Variants in ZCCHC14 observed in about 807,000 individuals in gnomAD.
ZCCHC14 encodes the protein zinc finger CCHC-type containing 14, also known as zinc finger CCHC domain-containing protein 14.
In ZCCHC14, 16 loss-of-function variants were observed where a neutral mutation model predicts 85.0. The observed-to-expected ratio is 0.19, with a 90% confidence interval of 0.13 to 0.29. The LOEUF (loss-of-function observed/expected upper bound fraction) is 0.29, where lower values mean the gene tolerates loss of function less well. ZCCHC14 is among the 10% of genes least tolerant of loss of function. The pLI is 1.00. For synonymous variants in ZCCHC14, 775 were observed against 630.7 expected (o/e 1.23, Z -3.43); for missense variants, 1,303 against 1,443.5 (o/e 0.90, Z 1.58).
chr16:87,450,075 G>A (rs1487687657), intron 2 of ZCCHC14, among the ~76,000 whole-genome samples: 3 of 152,098 alleles, frequency 2.0e-5, no homozygotes, highest in Non-Finnish European at 4.4e-5. Flanking sequence ...GAACAGCATT[G>A]TTTTCCAGCA....
chr16:87,487,640 C>G (rs973575359), intron 1 of ZCCHC14, among the ~76,000 whole-genome samples: 1 of 152,244 alleles, frequency 6.6e-6, no homozygotes, highest in East Asian at 1.9e-4. Flanking sequence ...ACAGAGGATG[C>G]GCTAAGTGTT....
chr16:87,416,484 G>A (rs60003450), intron 8 of ZCCHC14, among the ~76,000 whole-genome samples: 13,867 of 152,078 alleles, frequency 0.091, 2,074 homozygotes, highest in African/African-American at 0.31. Context: ...TTGGCCAGGC[G>A]CGGTGGCTCA....
chr16:87,417,570 A>G lies in ZCCHC14; in HGVS notation c.1273T>C (p.Ser425Pro). The G allele has an allele frequency of 6.2e-7, 1 of 1,614,236 alleles. No individual in the cohort carries two copies. The highest frequency in any genetic ancestry group is 8.5e-7 in the Non-Finnish European group (1 of 1,180,034). The change falls in exon 8 of 13, where the codon TCC becomes CCC. Residue 425 changes from serine to proline, a missense_variant. Physicochemically the swap from Ser to Pro is moderately conservative, Grantham distance 74. Transcript: ENST00000671377. Reference protein sequence around the residue: ...MDTSPAILMPSSLQTPQTQEQ... With the variant: ...MDTSPAILMPPSLQTPQTQEQ... The stretch of plus-strand genomic sequence containing the variant: ...TGGGTCTGAGGGGTCTGCAGACTGG[A>G]AGGCATGAGGATGGCAGGTGATGTG...
intron 1 of ZCCHC14, among the ~76,000 whole-genome samples, chr16:87,475,398 A>C (rs117663605): frequency 0.017 from 2,516 of 152,086 alleles, 26 homozygotes; most frequent in Middle Eastern, 0.048. Flanking sequence ...CAAAAAAATA[A>C]AAAAATTACC....
chr16:87,415,167 A>G, intron 9 of ZCCHC14, 109 bp downstream of exon 9: 1 of 833,320 alleles, frequency 1.2e-6, no homozygotes, highest in Non-Finnish European at 2.0e-6. Context: ...CTGGATAAGC[A>G]ACAGGAACTA....
chr16:87,456,011 G>GT (rs1910939934), intron 2 of ZCCHC14, among the ~76,000 whole-genome samples: 1 of 152,218 alleles, frequency 6.6e-6, no homozygotes, highest in South Asian at 2.1e-4. Context: ...AGCCCCCACT[G>GT]TAAGTTGAAA....
intron 2 of ZCCHC14, among the ~76,000 whole-genome samples, chr16:87,447,030 A>G (rs1460911722): frequency 6.6e-6 from 1 of 152,190 alleles, no homozygotes; most frequent in Non-Finnish European, 1.5e-5. Flanking sequence ...AGTAACACAA[A>G]TACCACATGA....
In ZCCHC14 at chr16:87,451,220, G is replaced by A. The variant is rs921528037; in HGVS notation, c.694+8788C>T. 3.1e-5 allele frequency among the ~76,000 whole-genome samples: 4 copies of A among 129,372 alleles called. No individual in the cohort carries two copies. In the Admixed American group the frequency reaches 3.4e-4, roughly 11 times the overall value. 84.9% of individuals were successfully genotyped at this position (129,372 alleles called of 152,430 possible). A position where few individuals can be genotyped will look rare whatever the true frequency, so the allele number is the denominator to read the frequency against. ...CAGCCTTTTTTTTTTTTTTGAGATA[G>A]AGTTTTTCTCTTGTTGCCCAGGCTG... On this transcript the variant is annotated intron_variant, in intron 2 of 12. Transcript: ENST00000671377.
chr16:87,411,871 C>G lies in ZCCHC14; in HGVS notation c.2850G>C (p.Pro950=). Residue 950 remains proline, a synonymous_variant, in exon 12 of 13, where the codon CCG becomes CCC. Coordinates refer to ENST00000671377, the MANE Select transcript of ZCCHC14 (RefSeq NM_015144.3). ...AGGTGAACACGGACGGACCGGAGAACGGGTGCTGGAAGTAGTTGGCGTAGC... is the reference window on the plus strand; with the variant it reads ...AGGTGAACACGGACGGACCGGAGAAGGGGTGCTGGAAGTAGTTGGCGTAGC... ...TVSYANYFQH[P]FSGPSVFTFP... is the part of the protein sequence containing the mutation. 6.2e-7 allele frequency: 1 copy of G among 1,604,038 alleles called. No homozygotes were observed. The highest frequency in any genetic ancestry group is 1.1e-5 in the South Asian group (1 of 90,008).
intron 1 of ZCCHC14, among the ~76,000 whole-genome samples, chr16:87,480,656 C>T (rs184044148): frequency 6.6e-6 from 1 of 152,276 alleles, no homozygotes; most frequent in Admixed American, 6.5e-5. Context: ...CTGGGTTTAA[C>T]GGATGCTCCG....
intron 1 of ZCCHC14, among the ~76,000 whole-genome samples, chr16:87,482,328 G>T (rs1317986766): frequency 6.6e-6 from 1 of 152,186 alleles, no homozygotes; most frequent in East Asian, 1.9e-4. Context: ...GAAGAAAAAG[G>T]AGAGAAGTCT....
chr16:87,439,095 T>G (rs1305371817), intron 2 of ZCCHC14, among the ~76,000 whole-genome samples: 2 of 151,982 alleles, frequency 1.3e-5, no homozygotes, highest in Non-Finnish European at 2.9e-5. Context: ...ATCTTCTTTA[T>G]AGGATTCCAA....
intron 2 of ZCCHC14, among the ~76,000 whole-genome samples, chr16:87,458,082 C>T (rs8043841): frequency 0.069 from 9,720 of 141,814 alleles, 1,038 homozygotes; most frequent in African/African-American, 0.24. Flanking sequence ...CAGATACTCG[C>T]TACTTTGAAA....
intron 10 of ZCCHC14, 81 bp from the exon 11 acceptor site, chr16:87,413,276 T>TC: frequency 7.0e-7 from 1 of 1,437,558 alleles, no homozygotes; most frequent in Non-Finnish European, 9.1e-7. Flanking sequence ...CATCGCACTG[T>TC]CGGCAGGTGC....
At chr16:87,411,365 G>A (rs750006916) in intron 12 of ZCCHC14, 151 bp downstream of exon 12, 349 of 1,506,502 alleles carry the variant, frequency 2.3e-4, no homozygotes, top group Non-Finnish European at 2.8e-4. Context: ...GGGACCTCAC[G>A]GCCTATCATG....
At chr16:87,456,816 T>TA (rs1010798159) in intron 2 of ZCCHC14, among the ~76,000 whole-genome samples, 3 of 152,212 alleles carry the variant, frequency 2.0e-5, no homozygotes, top group African/African-American at 7.2e-5. Context: ...CTCTAATTTT[T>TA]AAGAGTGCAA....
At chr16:87,427,283 G>C (rs1421461894) in intron 3 of ZCCHC14, among the ~76,000 whole-genome samples, 2 of 152,228 alleles carry the variant, frequency 1.3e-5, no homozygotes, top group Non-Finnish European at 2.9e-5. Context: ...GAATCACTGG[G>C]CCCTCTGCTG....
intron 1 of ZCCHC14, among the ~76,000 whole-genome samples, chr16:87,487,721 T>C (rs753039224): frequency 1.2e-4 from 18 of 152,200 alleles, no homozygotes; most frequent in Non-Finnish European, 2.4e-4. Flanking sequence ...AAAGCAAGCA[T>C]GTGAAGCAAC....
At position 87,492,910 on chromosome 16, in the gene ZCCHC14, G is replaced by GGCA. The variant is rs1393970632; in HGVS notation, c.-673_-672insTGC. ...GGCGGACGGATCCGGGCCCGAGCGC[G>GGCA]GCGGCGGCGGCGACGGCGACGGCGA... On this transcript the variant is annotated 5_prime_UTR_variant, in exon 1 of 13. Transcript: ENST00000671377. This position sits in a 1 kb window ranked among gnomAD's most constrained non-coding sequence, Gnocchi z 6.7. 7.0e-6 allele frequency among the ~76,000 whole-genome samples: 1 copy of GGCA among 142,124 alleles called. No individual in the cohort carries two copies. The highest frequency in any genetic ancestry group is 2.3e-4 in the East Asian group (1 of 4,420). 93.2% of individuals were successfully genotyped at this position (142,124 alleles called of 152,430 possible).
Sources: gnomAD v4.1 joint callset for allele counts (sites outside exome capture counted in the v4.1 genomes callset) on GRCh38, gnomAD v4.1.1 for gene constraint, Gnocchi (gnomAD v3.1) non-coding constraint, MANE v1.5 for transcripts, NCBI Gene and HGNC (gene_info 2026-07-23, HGNC 2026-07-21) for gene names.